Variants in CHD7 observed in about 807,000 individuals in gnomAD.
CHD7 encodes the protein ATP-dependent chromatin remodeler CHD7.
Under a neutral mutation model 307.3 loss-of-function variants are expected in CHD7, and 24 were observed. The ratio of observed to expected loss-of-function variants is 0.08; its 90% CI spans 0.06 to 0.11. The LOEUF is 0.11. Among genes scored for constraint, CHD7 ranks in the 10% least tolerant of loss-of-function variants. The pLI is 1.00. For synonymous variants in CHD7, 1,363 were observed against 1,349.9 expected, an observed-to-expected ratio of 1.01 and a Z score of -0.21; for missense variants, 3,106 against 3,727.1, an observed-to-expected ratio of 0.83 and a Z score of 4.34.
intron 1 of CHD7, among the ~76,000 whole-genome samples, chr8:60,714,094 C>T (rs1370923260): frequency 1.4e-5 from 2 of 139,868 alleles, no homozygotes; most frequent in Admixed American, 7.0e-5. Context: ...CCTCGGCGGG[C>T]GGGGTGGGCC....
At chr8:60,836,778 T>C in intron 16 of CHD7, 39 bp from the exon 17 acceptor site, 1 of 1,480,148 alleles carries the variant, frequency 6.8e-7, no homozygotes, top group African/African-American at 1.4e-5. Context: ...ATGTTGTCGC[T>C]ATGCGTCAGG....
intron 17 of CHD7, among the ~76,000 whole-genome samples, 191 bp downstream of exon 17, chr8:60,837,203 C>T (rs554529164): frequency 4.6e-5 from 7 of 152,208 alleles, no homozygotes; most frequent in Non-Finnish European, 7.3e-5. Flanking sequence ...TTTTAACCTT[C>T]TTCTAAACTG....
At chr8:60,814,969 C>T (rs1418431584) in intron 7 of CHD7, among the ~76,000 whole-genome samples, 4 of 152,136 alleles carry the variant, frequency 2.6e-5, no homozygotes, top group East Asian at 1.9e-4. Flanking sequence ...CCTTCAAGTT[C>T]ATGTTGGTGC....
intron 1 of CHD7, among the ~76,000 whole-genome samples, chr8:60,712,834 G>A (rs1289593517): frequency 1.3e-5 from 2 of 151,970 alleles, no homozygotes; most frequent in Admixed American, 6.5e-5. Flanking sequence ...AGGATCACCC[G>A]AGGTCAGGAG....
At chr8:60,796,029 G>A (rs566489097) in intron 4 of CHD7, among the ~76,000 whole-genome samples, 2 of 152,214 alleles carry the variant, frequency 1.3e-5, no homozygotes, top group African/African-American at 2.4e-5. Context: ...CAAAATATTT[G>A]TAGTGTGCAG....
At chr8:60,718,124 T>C (rs1178931276) in intron 1 of CHD7, among the ~76,000 whole-genome samples, 1 of 152,166 alleles carries the variant, frequency 6.6e-6, no homozygotes, top group African/African-American at 2.4e-5. Flanking sequence ...GACAGTGATA[T>C]TGATGATCCC....
Position 60,867,847 on chromosome 8 carries a change from G to A in CHD7, c.*1914G>A, listed in dbSNP as rs980880823. ...CGTCGTTGTCTGCTGAAAGTGAATG[G>A]GCCGTGCACACTGGAGGAAAGTGCC... On this transcript the variant is annotated 3_prime_UTR_variant, in exon 38 of 38. Transcript: ENST00000423902. 1 of 152,178 alleles carries A rather than the reference G, an allele frequency of 6.6e-6. No individual in the cohort carries two copies. The highest frequency in any genetic ancestry group is 1.5e-5 in the Non-Finnish European group (1 of 68,038). The allele number at this position is 152,178 out of a possible 1,614,324, so 9.4% of individuals were successfully genotyped here.
intron 15 of CHD7, among the ~76,000 whole-genome samples, chr8:60,834,411 A>G (rs1040204239): frequency 6.6e-6 from 1 of 152,238 alleles, no homozygotes; most frequent in Non-Finnish European, 1.5e-5. Context: ...TACACTTGAA[A>G]GATACCTAAT....
At position 60,842,017 on chromosome 8, in the gene CHD7, A is replaced by T; in HGVS notation, c.4815A>T (p.Glu1605Asp). 1 of 1,613,936 alleles carries T rather than the reference A, an allele frequency of 6.2e-7. No homozygotes were observed. The highest frequency in any genetic ancestry group is 8.5e-7 in the Non-Finnish European group (1 of 1,179,866). Residue 1605 changes from glutamate (E) to aspartate (D), a missense_variant, in exon 21 of 38, where the codon GAA becomes GAT. This residue lies in a region of CHD7 where 122 missense variants were observed against 124.5 expected (regional missense o/e 0.98). Transcript: ENST00000423902. ...AGTCACAGGGCTATGCAAGGAGTGA[A>T]TGTTTCAGGGTGGAGAAGAATCTGC... ...QDKSQGYARSECFRVEKNLLV... is the reference protein window; with the variant it reads ...QDKSQGYARSDCFRVEKNLLV...
intron 2 of CHD7, among the ~76,000 whole-genome samples, chr8:60,753,932 A>G (rs572400374): frequency 1.3e-5 from 2 of 152,214 alleles, no homozygotes; most frequent in East Asian, 3.9e-4. Context: ...GCTGCAAATC[A>G]TTAAATCAGT....
chr8:60,736,361 G>A (rs1488852508), intron 1 of CHD7, among the ~76,000 whole-genome samples: 1 of 152,176 alleles, frequency 6.6e-6, no homozygotes, highest in Non-Finnish European at 1.5e-5. Flanking sequence ...TTCACTTTGA[G>A]TGGAAGCTCA....
At chr8:60,844,428 T>C (rs1805112287) in intron 21 of CHD7, among the ~76,000 whole-genome samples, 3 of 152,184 alleles carry the variant, frequency 2.0e-5, no homozygotes, top group Non-Finnish European at 4.4e-5. Context: ...GCCATACTGC[T>C]CAGCATCGCA....
chr8:60,748,970 ATTTTTTTTTTT>A (rs1216748648), intron 2 of CHD7, among the ~76,000 whole-genome samples: 3 of 137,300 alleles, frequency 2.2e-5, no homozygotes, highest in African/African-American at 7.9e-5. Context: ...CAGTGGTACA[ATTTTTTTTTTT>A]TTTTTTAAAA....
chr8:60,861,367 T>C, intron 35 of CHD7: 1 of 425,646 alleles, frequency 2.3e-6, no homozygotes, highest in Non-Finnish European at 4.2e-6. Context: ...TTCCTTACTG[T>C]TTGCTTCTCC....
rs1400381399 is a variant in CHD7 at position 60,741,389 on chromosome 8, A to G, written c.-44A>G. ...CACCTCAGTGAAGTGAAGCACAGGC[A>G]AGCTCCTGAGCTGTGGTTTGGAGGA... On this transcript the variant is annotated 5_prime_UTR_variant, in exon 2 of 38. Transcript: ENST00000423902. The G allele has an allele frequency of 7.0e-7, 1 of 1,429,460 alleles. No homozygotes were observed. The highest frequency in any genetic ancestry group is 2.0e-5 in the Admixed American group (1 of 48,830). The allele number at this position is 1,429,460 out of a possible 1,614,324, so 88.5% of individuals were successfully genotyped here.
At chr8:60,769,958 G>A (rs1337115017) in intron 2 of CHD7, among the ~76,000 whole-genome samples, 1 of 152,216 alleles carries the variant, frequency 6.6e-6, no homozygotes. Context: ...TAAATGTTAA[G>A]ATGTGAAAAG....
At chr8:60,686,014 G>T (rs183211046) in intron 1 of CHD7, among the ~76,000 whole-genome samples, 3 of 152,266 alleles carry the variant, frequency 2.0e-5, no homozygotes, top group Admixed American at 2.0e-4. Flanking sequence ...CTGGGACTCA[G>T]TGTCTTTAAT....
intron 14 of CHD7, among the ~76,000 whole-genome samples, chr8:60,829,164 A>C (rs770371421): frequency 6.6e-6 from 1 of 152,214 alleles, no homozygotes; most frequent in Non-Finnish European, 1.5e-5. Flanking sequence ...TGCCTGCTGC[A>C]GTTTTGAGTC....
Position 60,699,885 on chromosome 8 carries a change from G to C in CHD7, c.-175+20803G>C, listed in dbSNP as rs570809811. Among the ~76,000 whole-genome samples, 9 of 151,152 alleles carry C rather than the reference G, an allele frequency of 6.0e-5. No individual in the cohort carries two copies. In the South Asian group the frequency reaches 1.3e-3, roughly 21 times the overall value. On this transcript the variant is annotated intron_variant, in intron 1 of 37. Coordinates refer to ENST00000423902, the MANE Select transcript of CHD7 (RefSeq NM_017780.4). The stretch of plus-strand genomic sequence containing the variant: ...AGTTTTGCTTTTGTTGCCCAGGCTG[G>C]TGTGCAATGGCGTGATTTCAGCTCA...
Sources: allele counts gnomAD v4.1 joint callset (sites outside exome capture counted in the v4.1 genomes callset), GRCh38; gene constraint gnomAD v4.1.1; regional missense constraint gnomAD v4.1.1; transcripts MANE v1.5; gene names NCBI Gene and HGNC (gene_info 2026-07-23, HGNC 2026-07-21).